SDK1: variants seen among roughly 807,000 people sequenced by gnomAD.
The protein encoded by SDK1 is protein sidekick-1.
Under a neutral mutation model 245.5 loss-of-function variants are expected in SDK1, and 157 were observed. The ratio of observed to expected loss-of-function variants is 0.64; its 90% CI spans 0.56 to 0.73. The LOEUF is 0.73. Ranked by LOEUF, SDK1 falls within the 30% of genes least tolerant of loss-of-function variation. The pLI is 0.00. For synonymous variants in SDK1, 1,647 were observed against 1,278.5 expected (o/e 1.29, Z -6.15); for missense variants, 3,583 against 3,002.3 (o/e 1.19, Z -4.52).
At chr7:3,641,881 A>G (rs535386003) in intron 3 of SDK1, 77 bp from the exon 4 acceptor site, 89 of 1,198,016 alleles carry the variant, frequency 7.4e-5, no homozygotes, top group Non-Finnish European at 1.0e-4. Context: ...TGTAACACTT[A>G]CCTGTTTCCA....
In SDK1 at chr7:3,753,759, G is replaced by A. The variant is rs191796968; in HGVS notation, c.714-67691G>A. Among the ~76,000 whole-genome samples the A allele has an allele frequency of 7.4e-3, 1,130 of 152,252 alleles. 5 individuals are homozygous for A. The highest frequency in any genetic ancestry group is 0.013 in the Non-Finnish European group (858 of 68,016). ...CTTGGTTGGTGAAGTGGCTTTTGTA[G>A]ACTGAATATGGCTGAGTATGTACAG... On this transcript the variant is annotated intron_variant, in intron 4 of 44. Coordinates refer to ENST00000404826, the MANE Select transcript of SDK1 (RefSeq NM_152744.4).
intron 20 of SDK1, among the ~76,000 whole-genome samples, chr7:4,070,128 T>C (rs1780156473): frequency 6.6e-6 from 1 of 152,252 alleles, no homozygotes; most frequent in Non-Finnish European, 1.5e-5. Context: ...CTAACAATTA[T>C]AATTGCCATG....
At chr7:3,305,124 C>CA (rs1182807807) in intron 1 of SDK1, among the ~76,000 whole-genome samples, 5 of 152,172 alleles carry the variant, frequency 3.3e-5, no homozygotes, top group Admixed American at 3.3e-4. Context: ...ATTTGAAACT[C>CA]AACAGAGTAC....
At chr7:4,173,607 G>A (rs1781989074) in intron 32 of SDK1, among the ~76,000 whole-genome samples, 2 of 152,220 alleles carry the variant, frequency 1.3e-5, no homozygotes, top group South Asian at 2.1e-4. Flanking sequence ...CAGGGTGAGA[G>A]CTGGATGGCA....
chr7:3,504,556 A>G (rs1481854761), intron 1 of SDK1, among the ~76,000 whole-genome samples: 2 of 152,156 alleles, frequency 1.3e-5, no homozygotes, highest in Non-Finnish European at 2.9e-5. Flanking sequence ...AGACGGTTAA[A>G]CTGGGTAAGA....
intron 1 of SDK1, among the ~76,000 whole-genome samples, chr7:3,575,392 C>A (rs1258123209): frequency 6.6e-6 from 1 of 152,020 alleles, no homozygotes. Context: ...GGTCCTATCT[C>A]CAAAGGCCAT....
chr7:3,989,264 CAAGAG>C (rs1784110930), intron 14 of SDK1, among the ~76,000 whole-genome samples: 1 of 152,186 alleles, frequency 6.6e-6, no homozygotes, highest in Non-Finnish European at 1.5e-5. Context: ...TGGCGGCAGA[CAAGAG>C]AAGACAGCTT....
Position 3,681,045 on chromosome 7 carries a change from A to G in SDK1, c.713+38940A>G, listed in dbSNP as rs578191299. On this transcript the variant is annotated intron_variant, in intron 4 of 44. Transcript: ENST00000404826. Reference sequence around the variant, plus strand: ...TTTTTAGTAGAGATGGGGTTTCGCCATGTTGGCCAGGATGATCTCGATCTC... The same window carrying G: ...TTTTTAGTAGAGATGGGGTTTCGCCGTGTTGGCCAGGATGATCTCGATCTC... Among the ~76,000 whole-genome samples, 16 of 152,080 alleles carry G rather than the reference A, an allele frequency of 1.1e-4. 1 individual carries two copies. Among genetic ancestry groups the G allele is most frequent in the Admixed American group, 9.2e-4 (14 of 15,264 alleles).
At chr7:3,566,867 C>G (rs1457311918) in intron 1 of SDK1, among the ~76,000 whole-genome samples, 2 of 151,906 alleles carry the variant, frequency 1.3e-5, no homozygotes, top group Non-Finnish European at 2.9e-5. Flanking sequence ...AGAATCGAAG[C>G]AGTAAAATGA....
chr7:3,880,221 C>G (rs1781174205), intron 5 of SDK1, among the ~76,000 whole-genome samples: 1 of 152,200 alleles, frequency 6.6e-6, no homozygotes, highest in African/African-American at 2.4e-5. Context: ...GCCTTCATTG[C>G]TGACAAAAAT....
chr7:4,127,516 C>A lies in SDK1; in HGVS notation c.3939+20C>A. The A allele has an allele frequency of 6.4e-7, 1 of 1,562,720 alleles. No homozygotes were observed. The highest frequency in any genetic ancestry group is 8.8e-7 in the Non-Finnish European group (1 of 1,133,202). On this transcript the variant is annotated intron_variant, in intron 26 of 44. Coordinates refer to ENST00000404826, the MANE Select transcript of SDK1 (RefSeq NM_152744.4). ...TACAAGGTGTGTGATCACAGGATGACCTCCCTTTGCTTAAAGAGTGGGCTG... is the reference window on the plus strand; with the variant it reads ...TACAAGGTGTGTGATCACAGGATGAACTCCCTTTGCTTAAAGAGTGGGCTG...
intron 1 of SDK1, among the ~76,000 whole-genome samples, chr7:3,409,683 G>C (rs919873887): frequency 1.3e-5 from 2 of 152,100 alleles, no homozygotes; most frequent in Non-Finnish European, 2.9e-5. Flanking sequence ...GAAGAGCGTT[G>C]GGGATGGCTC....
intron 1 of SDK1, among the ~76,000 whole-genome samples, chr7:3,492,810 T>C (rs1781904601): frequency 6.6e-6 from 1 of 152,252 alleles, no homozygotes; most frequent in African/African-American, 2.4e-5. Flanking sequence ...TTGCTCTTGA[T>C]TGAACAGAGG....
chr7:3,682,213 C>T (rs1784121899), intron 4 of SDK1, among the ~76,000 whole-genome samples: 1 of 152,198 alleles, frequency 6.6e-6, no homozygotes, highest in Admixed American at 6.5e-5. Context: ...ATACCCATTT[C>T]ACAGATGATA....
chr7:3,459,784 G>C lies in SDK1; in HGVS notation c.298+157900G>C, dbSNP rs145658125. 3.0e-3 allele frequency among the ~76,000 whole-genome samples: 450 copies of C among 152,276 alleles called. 1 individual carries two copies. Among genetic ancestry groups the C allele is most frequent in the African/African-American group, 0.01 (427 of 41,560 alleles). On this transcript the variant is annotated intron_variant, in intron 1 of 44. Coordinates refer to ENST00000404826, the MANE Select transcript of SDK1 (RefSeq NM_152744.4). ...AGACCAGTTGTGATCCATGTCCTTG[G>C]CCTGGGGTAGGGGCCTTCCCTTCCT...
At chr7:3,423,864 T>C (rs1436906974) in intron 1 of SDK1, among the ~76,000 whole-genome samples, 1 of 152,154 alleles carries the variant, frequency 6.6e-6, no homozygotes, top group African/African-American at 2.4e-5. Flanking sequence ...ACCATTTGTT[T>C]TTTCCTCTAA....
At chr7:3,698,107 C>T (rs530090268) in intron 4 of SDK1, among the ~76,000 whole-genome samples, 1 of 152,226 alleles carries the variant, frequency 6.6e-6, no homozygotes, top group East Asian at 1.9e-4. Flanking sequence ...CACCCCCAAA[C>T]CCTCCCCTTC....
In SDK1 at chr7:3,619,496, A is replaced by G. The variant is rs141527518; in HGVS notation, c.458+257A>G. Reference sequence around the variant, plus strand: ...TGAAATTATCAGTCAACAAAAACCTATGGTTACAGAGCAATGCCAATAACA... The same window carrying G: ...TGAAATTATCAGTCAACAAAAACCTGTGGTTACAGAGCAATGCCAATAACA... On this transcript the variant is annotated intron_variant, in intron 2 of 44. Transcript: ENST00000404826. Among the ~76,000 whole-genome samples, 9 of 152,358 alleles carry G rather than the reference A, an allele frequency of 5.9e-5. No individual in the cohort carries two copies. The East Asian group carries it at 7.7e-4, about 13-fold the overall frequency.
intron 43 of SDK1, among the ~76,000 whole-genome samples, chr7:4,244,536 C>A (rs969033567): frequency 6.6e-6 from 1 of 152,218 alleles, no homozygotes; most frequent in Admixed American, 6.5e-5. Context: ...CAGATAGTCA[C>A]CAGGAAGTGG....
Sources: allele counts gnomAD v4.1 joint callset (sites outside exome capture counted in the v4.1 genomes callset), GRCh38; gene constraint gnomAD v4.1.1; transcripts MANE v1.5; gene names NCBI Gene and HGNC (gene_info 2026-07-23, HGNC 2026-07-21).